The following QRFPR variants were observed in gnomAD, a reference collection of about 807,000 sequenced individuals.
The protein encoded by QRFPR is pyroglutamylated RF-amide peptide receptor.
Under a neutral mutation model 31.3 loss-of-function variants are expected in QRFPR, and 37 were observed. The observed-to-expected ratio is 1.18, with a 90% CI of 0.91 to 1.56. The LOEUF (loss-of-function observed/expected upper bound fraction) is 1.56, where lower values mean the gene tolerates loss of function less well. Among genes scored for constraint, QRFPR ranks in the 40% most tolerant of loss-of-function variants. The pLI, the probability that QRFPR is intolerant of heterozygous loss-of-function variation, is 0.00. For missense variants in QRFPR, 542 were observed against 532.5 expected, an observed-to-expected ratio of 1.02 and a Z score of -0.18; for synonymous variants, 197 against 192.0, an observed-to-expected ratio of 1.03 and a Z score of -0.22.
In QRFPR at chr4:121,340,626, A is replaced by T. The variant is rs970500347; in HGVS notation, c.341-16T>A. 1.9e-6 allele frequency: 3 copies of T among 1,607,784 alleles called. No homozygotes were observed. The highest frequency in any genetic ancestry group is 1.7e-5 in the Admixed American group (1 of 59,564). ...ATGAAAGCACCTGCAGTAAGGAAAT[A>T]GGACAAATCATACATCAAAACAAAA... On this transcript the variant is annotated splice_polypyrimidine_tract_variant and intron_variant, in intron 1 of 5. Coordinates refer to ENST00000394427, the MANE Select transcript of QRFPR (RefSeq NM_198179.3).
Position 121,328,966 on chromosome 4 carries a change from G to C in QRFPR, c.*348C>G, listed in dbSNP as rs1352789131. 6.2e-6 allele frequency: 1 copy of C among 161,956 alleles called. No individual in the cohort carries two copies. The highest frequency in any genetic ancestry group is 6.3e-5 in the Admixed American group (1 of 15,918). 10.0% of individuals were successfully genotyped at this position (161,956 alleles called of 1,614,324 possible). On this transcript the variant is annotated 3_prime_UTR_variant, in exon 6 of 6. Coordinates refer to ENST00000394427, the MANE Select transcript of QRFPR (RefSeq NM_198179.3). ...AGATGGGGTTTCACCGTGTTAGCCAGGATGGTTTTGATCTCCTGACCTCGT... is the reference window on the plus strand; with the variant it reads ...AGATGGGGTTTCACCGTGTTAGCCACGATGGTTTTGATCTCCTGACCTCGT...
intron 1 of QRFPR, among the ~76,000 whole-genome samples, chr4:121,370,990 G>A (rs1726232090): frequency 6.6e-6 from 1 of 152,168 alleles, no homozygotes; most frequent in Non-Finnish European, 1.5e-5. Context: ...AAGCTTTAAT[G>A]CCAGGCCATG....
chr4:121,380,190 A>AGAG (rs1726449472), intron 1 of QRFPR, 118 bp downstream of exon 1: 102 of 121,478 alleles, frequency 8.4e-4, no homozygotes, highest in Non-Finnish European at 2.8e-4. Flanking sequence ...GAGAGAGGAG[A>AGAG]GAGAGAGAGA....
chr4:121,377,604 A>G (rs1197024305), intron 1 of QRFPR, among the ~76,000 whole-genome samples: 1 of 152,068 alleles, frequency 6.6e-6, no homozygotes, highest in Non-Finnish European at 1.5e-5. Context: ...AAGAGTCTAA[A>G]TTATTCTCTG....
intron 1 of QRFPR, among the ~76,000 whole-genome samples, chr4:121,366,814 A>G (rs1383970927): frequency 6.7e-6 from 1 of 150,232 alleles, no homozygotes; most frequent in East Asian, 2.0e-4. Flanking sequence ...AAATGAGGAT[A>G]ATATTATATT....
At chr4:121,342,464 C>A (rs892544419) in intron 1 of QRFPR, among the ~76,000 whole-genome samples, 7 of 152,106 alleles carry the variant, frequency 4.6e-5, no homozygotes, top group Admixed American at 2.6e-4. Context: ...CTAATGCAGT[C>A]ACCTTCTCAA....
chr4:121,330,000 A>T (rs1406060916), intron 5 of QRFPR, among the ~76,000 whole-genome samples: 1 of 152,196 alleles, frequency 6.6e-6, no homozygotes, highest in Non-Finnish European at 1.5e-5. Flanking sequence ...AACTGGAAGC[A>T]GCAGTAACCC....
intron 1 of QRFPR, among the ~76,000 whole-genome samples, chr4:121,355,221 AC>A (rs1003083987): frequency 6.6e-6 from 1 of 151,982 alleles, no homozygotes; most frequent in Non-Finnish European, 1.5e-5. Context: ...TTGATGAAAG[AC>A]TTTTATTACT....
chr4:121,336,049 G>T (rs1440528929), intron 3 of QRFPR, among the ~76,000 whole-genome samples: 1 of 152,094 alleles, frequency 6.6e-6, no homozygotes, highest in Non-Finnish European at 1.5e-5. Flanking sequence ...TATCCTTGAG[G>T]ATGACATGAC....
chr4:121,369,358 G>C lies in QRFPR; in HGVS notation c.340+10950C>G, dbSNP rs1270603162. The stretch of plus-strand genomic sequence containing the variant: ...AAGTTTTTAAATATACCTTTCCTAT[G>C]TCAAAGCCAAGATAAAAGGGCAGTG... On this transcript the variant is annotated intron_variant, in intron 1 of 5. Transcript: ENST00000394427. 1.1e-5 allele frequency: 7 copies of C among 654,026 alleles called. No individual in the cohort carries two copies. In the East Asian group the frequency reaches 1.3e-4, roughly 12 times the overall value. The allele number at this position is 654,026 out of a possible 1,614,324, so 40.5% of individuals were successfully genotyped here.
rs1199521794 is a variant in QRFPR, at chr4:121,332,816, C to T, written c.797+5G>A. On this transcript the variant is annotated splice_donor_5th_base_variant and intron_variant, in intron 4 of 5. Coordinates refer to ENST00000394427, the MANE Select transcript of QRFPR (RefSeq NM_198179.3). ...TTAAAGAGGTGAATATTTCATTAAA[C>T]AGACCTGGCTATTTTGGACATTTCT... is the stretch of plus-strand genomic sequence containing the variant. 2 of 1,599,516 alleles carry T rather than the reference C, an allele frequency of 1.3e-6. No homozygotes were observed. The highest frequency in any genetic ancestry group is 1.1e-5 in the South Asian group (1 of 90,636).
intron 3 of QRFPR, 147 bp downstream of exon 3, chr4:121,336,660 A>G (rs1387137325): frequency 4.2e-6 from 3 of 720,560 alleles, no homozygotes; most frequent in Non-Finnish European, 7.7e-6. Flanking sequence ...TTAAAAAATC[A>G]TTTTATTCCA....
intron 1 of QRFPR, among the ~76,000 whole-genome samples, chr4:121,367,506 A>C (rs1454345379): frequency 1.3e-5 from 2 of 150,320 alleles, no homozygotes; most frequent in Non-Finnish European, 3.0e-5. Context: ...ATTTTATCAT[A>C]AATAAACTAT....
chr4:121,371,954 T>C (rs748412149), intron 1 of QRFPR, among the ~76,000 whole-genome samples: 18 of 152,196 alleles, frequency 1.2e-4, no homozygotes, highest in Non-Finnish European at 2.4e-4. Flanking sequence ...AGGAAGACAC[T>C]GAGCCTTGAA....
chr4:121,371,982 G>T (rs1726255834), intron 1 of QRFPR, among the ~76,000 whole-genome samples: 1 of 152,242 alleles, frequency 6.6e-6, no homozygotes, highest in Non-Finnish European at 1.5e-5. Flanking sequence ...ATGACTGACA[G>T]TATGGGCAAT....
Position 121,336,667 on chromosome 4 carries a change from T to C in QRFPR, c.561+140A>G. 4.1e-6 allele frequency: 3 copies of C among 731,074 alleles called. No homozygotes were observed. In the South Asian group the frequency reaches 4.7e-5, roughly 11 times the overall value. The allele number at this position is 731,074 out of a possible 1,614,324, so 45.3% of individuals were successfully genotyped here. ...AATGAACCTTAAAAAATCATTTTAT[T>C]CCACTTAAAAGACCTCCAGTGGAAT... On this transcript the variant is annotated intron_variant, in intron 3 of 5. Transcript: ENST00000394427.
chr4:121,374,722 G>A (rs1029302312), intron 1 of QRFPR, among the ~76,000 whole-genome samples: 1 of 152,032 alleles, frequency 6.6e-6, no homozygotes, highest in African/African-American at 2.4e-5. Flanking sequence ...CACTCTAAGA[G>A]GAATTCTCAT....
chr4:121,344,494 T>C (rs1461174511), intron 1 of QRFPR, among the ~76,000 whole-genome samples: 1 of 152,206 alleles, frequency 6.6e-6, no homozygotes, highest in Non-Finnish European at 1.5e-5. Context: ...TCTAAGAAAT[T>C]ACTGAGAGTG....
At chr4:121,379,292 A>T (rs1726421669) in intron 1 of QRFPR, among the ~76,000 whole-genome samples, 1 of 152,262 alleles carries the variant, frequency 6.6e-6, no homozygotes, top group African/African-American at 2.4e-5. Context: ...TCAAATTGGT[A>T]ATGGTAGGAT....
Sources: allele counts gnomAD v4.1 joint callset (sites outside exome capture counted in the v4.1 genomes callset), GRCh38; gene constraint gnomAD v4.1.1; transcripts MANE v1.5; gene names NCBI Gene and HGNC (gene_info 2026-07-23, HGNC 2026-07-21).